The following PCDHAC1 variants were observed in gnomAD, a reference collection of about 807,000 sequenced individuals.
PCDHAC1 encodes the protein protocadherin alpha subfamily C, 1, also known as protocadherin alpha-C1.
In PCDHAC1, 42 loss-of-function variants were observed where a neutral mutation model predicts 60.0. The ratio of observed to expected loss-of-function variants is 0.70; its 90% CI spans 0.55 to 0.90. PCDHAC1 has a LOEUF of 0.90. PCDHAC1 is among the 40% of genes least tolerant of loss of function. PCDHAC1 has a pLI of 0.00. For synonymous variants in PCDHAC1, 468 were observed against 499.3 expected (o/e 0.94, Z 0.84); for missense variants, 1,160 against 1,222.3 (o/e 0.95, Z 0.76).
intron 1 of PCDHAC1, chr5:140,968,757 A>G (rs1488596963): frequency 6.2e-7 from 1 of 1,614,204 alleles, no homozygotes; most frequent in Non-Finnish European, 8.5e-7. Flanking sequence ...GTGGTCCGAG[A>G]TAATGGAGAG....
chr5:140,977,844 G>A (rs2096777589), intron 1 of PCDHAC1, among the ~76,000 whole-genome samples: 1 of 152,136 alleles, frequency 6.6e-6, no homozygotes, highest in Admixed American at 6.5e-5. Context: ...TATTACTATG[G>A]CTTTGTTTCT....
chr5:140,999,040 G>A (rs1450256691), intron 3 of PCDHAC1, among the ~76,000 whole-genome samples: 2 of 152,218 alleles, frequency 1.3e-5, no homozygotes, highest in African/African-American at 2.4e-5. Context: ...TTCGTCCAGT[G>A]TGCTTTCCAC....
At chr5:140,963,443 T>C (rs1554226608) in intron 1 of PCDHAC1, among the ~76,000 whole-genome samples, 1 of 152,248 alleles carries the variant, frequency 6.6e-6, no homozygotes, top group African/African-American at 2.4e-5. Flanking sequence ...TCATACTCTG[T>C]TGCTAAAGTA....
At chr5:140,949,405 AC>A (rs1554218939) in intron 1 of PCDHAC1, among the ~76,000 whole-genome samples, 1 of 151,820 alleles carries the variant, frequency 6.6e-6, no homozygotes, top group African/African-American at 2.4e-5. Flanking sequence ...GTTAAAAATC[AC>A]CTATCATCAT....
chr5:141,007,470 A>G (rs1395064697), intron 3 of PCDHAC1, among the ~76,000 whole-genome samples: 2 of 151,494 alleles, frequency 1.3e-5, no homozygotes. Context: ...CAGGAGGCTG[A>G]GGCACGAGAA....
At chr5:140,981,939 A>G (rs765176340) in intron 2 of PCDHAC1, among the ~76,000 whole-genome samples, 1 of 152,180 alleles carries the variant, frequency 6.6e-6, no homozygotes, top group Non-Finnish European at 1.5e-5. Context: ...CTCAGGAAAT[A>G]TAGGGTGGGT....
chr5:140,990,990 A>G (rs1269528161), intron 3 of PCDHAC1, among the ~76,000 whole-genome samples: 1 of 152,210 alleles, frequency 6.6e-6, no homozygotes, highest in East Asian at 1.9e-4. Flanking sequence ...GACAATAGCT[A>G]CCATTTATTG....
At chr5:140,986,085 TCA>T (rs1395722991) in intron 3 of PCDHAC1, among the ~76,000 whole-genome samples, 1 of 152,182 alleles carries the variant, frequency 6.6e-6, no homozygotes, top group Non-Finnish European at 1.5e-5. Context: ...TCATTTATTT[TCA>T]CAGTCTGCAA....
chr5:140,965,990 G>A (rs1292240100), intron 1 of PCDHAC1, among the ~76,000 whole-genome samples: 4 of 152,194 alleles, frequency 2.6e-5, no homozygotes, highest in African/African-American at 9.6e-5. Context: ...ACTTTCTGCA[G>A]TACTTAAGAG....
At chr5:140,977,732 G>A (rs538865467) in intron 1 of PCDHAC1, among the ~76,000 whole-genome samples, 2 of 152,048 alleles carry the variant, frequency 1.3e-5, no homozygotes, top group African/African-American at 2.4e-5. Flanking sequence ...TTCTCTCCTG[G>A]GTGTTATGAA....
chr5:140,967,104 A>T (rs374744732), intron 1 of PCDHAC1: 3 of 1,613,028 alleles, frequency 1.9e-6, no homozygotes, highest in Non-Finnish European at 2.5e-6. Context: ...CTGTGTGAGC[A>T]GCGGCCTCGC....
intron 1 of PCDHAC1, among the ~76,000 whole-genome samples, chr5:140,975,683 G>T (rs1226769029): frequency 6.6e-6 from 1 of 151,934 alleles, no homozygotes; most frequent in Non-Finnish European, 1.5e-5. Context: ...AATAAAATAG[G>T]GTATTTTAAA....
intron 1 of PCDHAC1, among the ~76,000 whole-genome samples, chr5:140,963,054 T>G (rs1554226381): frequency 6.6e-6 from 1 of 152,174 alleles, no homozygotes; most frequent in Non-Finnish European, 1.5e-5. Flanking sequence ...TATAAGGGTT[T>G]CTACATTGTG....
chr5:140,926,936 G>A lies in PCDHAC1; in HGVS notation c.44G>A (p.Cys15Tyr). Residue 15 changes from cysteine (C) to tyrosine (Y), a missense_variant, in exon 1 of 4, where the codon TGC (cysteine) becomes TAC (tyrosine). Transcript: ENST00000253807. ...GCAGTTTTATGTTTGTGGGTTTCCT[G>A]CGGCGCTGCAGCGGGACAGCTCGAG... ...GVAVLCLWVS[C>Y]GAAAGQLEYS... is the part of the protein sequence containing the mutation. 1 of 1,580,648 alleles carries A rather than the reference G, an allele frequency of 6.3e-7. No homozygotes were observed. The highest frequency in any genetic ancestry group is 8.6e-7 in the Non-Finnish European group (1 of 1,160,988).
intron 1 of PCDHAC1, among the ~76,000 whole-genome samples, chr5:140,935,193 G>A (rs782043966): frequency 3.3e-5 from 5 of 152,122 alleles, no homozygotes; most frequent in Non-Finnish European, 4.4e-5. Flanking sequence ...GTCAGTTGCT[G>A]TTTCTAGGTA....
At chr5:140,980,237 A>C (rs1159780134) in intron 2 of PCDHAC1, among the ~76,000 whole-genome samples, 1 of 152,238 alleles carries the variant, frequency 6.6e-6, no homozygotes, top group Non-Finnish European at 1.5e-5. Context: ...GTTGGTGGAG[A>C]CATGCAATGG....
chr5:140,949,172 A>G (rs574592967), intron 1 of PCDHAC1, among the ~76,000 whole-genome samples: 3 of 151,856 alleles, frequency 2.0e-5, no homozygotes, highest in African/African-American at 7.2e-5. Context: ...TCTTTTGGTC[A>G]GAGAACATAC....
At chr5:140,941,196 TTTCTTC>T (rs1563183935) in intron 1 of PCDHAC1, among the ~76,000 whole-genome samples, 3 of 111,280 alleles carry the variant, frequency 2.7e-5, no homozygotes, top group East Asian at 2.3e-4. Context: ...TTTTTTTTTC[TTTCTTC>T]CTTTCTTTCT....
At chr5:140,954,526 G>A (rs2095049912) in intron 1 of PCDHAC1, among the ~76,000 whole-genome samples, 1 of 152,184 alleles carries the variant, frequency 6.6e-6, no homozygotes, top group Admixed American at 6.5e-5. Flanking sequence ...GATCAGTGAT[G>A]TTGAGGTTTT....
Sources: allele counts gnomAD v4.1 joint callset (sites outside exome capture counted in the v4.1 genomes callset), GRCh38; gene constraint gnomAD v4.1.1; transcripts MANE v1.5; gene names NCBI Gene and HGNC (gene_info 2026-07-23, HGNC 2026-07-21).